The following RBPJ variants were observed in gnomAD, a reference collection of about 807,000 sequenced individuals.
RBPJ encodes the protein recombining binding protein suppressor of hairless.
Under a neutral mutation model 67.8 loss-of-function variants are expected in RBPJ, and 9 were observed. The ratio of observed to expected loss-of-function variants is 0.13; its 90% confidence interval spans 0.08 to 0.23. RBPJ has a LOEUF of 0.23. RBPJ is among the 10% of genes least tolerant of loss of function. The pLI is 1.00. For missense variants in RBPJ, 305 were observed against 595.6 expected (o/e 0.51, Z 5.08); for synonymous variants, 198 against 203.3 (o/e 0.97, Z 0.22).
chr4:26,273,509 G>A (rs951520755), intron 1 of RBPJ, among the ~76,000 whole-genome samples: 25 of 152,332 alleles, frequency 1.6e-4, no homozygotes, highest in Middle Eastern at 3.4e-3. Context: ...TCCAGCTCTA[G>A]CTGCCTGGAA....
the RBPJ span, among the ~76,000 whole-genome samples, chr4:26,148,951 A>G: frequency 8.3e-4 from 127 of 152,354 alleles, 1 homozygote; most frequent in African/African-American, 3.0e-3. Context: ...GAAGAAAGAA[A>G]AAGAGAGTGG....
intron 1 of RBPJ, among the ~76,000 whole-genome samples, chr4:26,286,997 G>T (rs1422133667): frequency 6.6e-6 from 1 of 152,048 alleles, no homozygotes; most frequent in Non-Finnish European, 1.5e-5. Context: ...ATGTTGTCCA[G>T]GCTGGTCTCG....
At chr4:26,125,136 C>T in the RBPJ span, among the ~76,000 whole-genome samples, 9 of 152,226 alleles carry the variant, frequency 5.9e-5, no homozygotes, top group Non-Finnish European at 1.3e-4. Flanking sequence ...TTGCAGTCAT[C>T]CCTCTTGCTC....
At chr4:26,117,739 TA>T in the RBPJ span, among the ~76,000 whole-genome samples, 1 of 152,192 alleles carries the variant, frequency 6.6e-6, no homozygotes, top group Non-Finnish European at 1.5e-5. Context: ...GGAGAGATAC[TA>T]ATGCTTGGTA....
chr4:26,254,924 T>G (rs1720246631), intron 1 of RBPJ, among the ~76,000 whole-genome samples: 2 of 130,216 alleles, frequency 1.5e-5, no homozygotes. Flanking sequence ...AAGCTGGTCT[T>G]GAACTCATCT....
chr4:26,141,337 C>G, the RBPJ span, among the ~76,000 whole-genome samples: 1 of 152,194 alleles, frequency 6.6e-6, no homozygotes, highest in Non-Finnish European at 1.5e-5. Flanking sequence ...AGGCCAGGGA[C>G]GAGCCCAGCA....
intron 1 of RBPJ, among the ~76,000 whole-genome samples, chr4:26,379,235 AG>A (rs1303146070): frequency 6.6e-6 from 1 of 151,626 alleles, no homozygotes; most frequent in Non-Finnish European, 1.5e-5. Context: ...GCTGGAGTAC[AG>A]TGGTGGGATC....
At chr4:26,134,584 C>T in the RBPJ span, among the ~76,000 whole-genome samples, 2 of 152,186 alleles carry the variant, frequency 1.3e-5, no homozygotes, top group African/African-American at 4.8e-5. Flanking sequence ...ATGGGTGCTC[C>T]CTGCAAATGC....
the RBPJ span, among the ~76,000 whole-genome samples, chr4:26,143,981 A>T: frequency 1.3e-5 from 2 of 152,246 alleles, no homozygotes; most frequent in Non-Finnish European, 2.9e-5. Context: ...TGCTAAAAAC[A>T]GTCAAAAGAC....
chr4:26,356,825 C>G (rs1420013936), intron 1 of RBPJ, among the ~76,000 whole-genome samples: 1 of 152,188 alleles, frequency 6.6e-6, no homozygotes. Context: ...AGTGAAATTG[C>G]TAGTTGCAAA....
At chr4:26,330,079 A>C (rs967707141) in intron 1 of RBPJ, among the ~76,000 whole-genome samples, 1 of 152,222 alleles carries the variant, frequency 6.6e-6, no homozygotes, top group Non-Finnish European at 1.5e-5. Flanking sequence ...ATAATCAGAA[A>C]AGGGAAAGTT....
At chr4:26,205,049 G>T (rs965988552) in intron 1 of RBPJ, among the ~76,000 whole-genome samples, 18 of 152,324 alleles carry the variant, frequency 1.2e-4, no homozygotes, top group African/African-American at 4.1e-4. Context: ...CTGCCTCTGG[G>T]AGCAGAGTTA....
chr4:26,255,597 T>C (rs1428098715), intron 1 of RBPJ, among the ~76,000 whole-genome samples: 2 of 147,776 alleles, frequency 1.4e-5, no homozygotes, highest in African/African-American at 5.0e-5. Flanking sequence ...GGTCGGGAGA[T>C]CGAGACCATC....
chr4:26,181,588 G>A (rs1033963844), intron 1 of RBPJ, among the ~76,000 whole-genome samples: 1 of 152,040 alleles, frequency 6.6e-6, no homozygotes, highest in South Asian at 2.1e-4. Context: ...TGTGAACATC[G>A]CAGAGTGTAC....
chr4:26,409,332 C>T (rs1733787487), intron 3 of RBPJ, among the ~76,000 whole-genome samples: 1 of 151,944 alleles, frequency 6.6e-6, no homozygotes, highest in Admixed American at 6.6e-5. Flanking sequence ...TTTGAGAGGT[C>T]AAGGTGGGCG....
intron 1 of RBPJ, among the ~76,000 whole-genome samples, chr4:26,312,932 A>G (rs774263510): frequency 1.4e-4 from 22 of 152,152 alleles, no homozygotes; most frequent in Admixed American, 3.9e-4. Flanking sequence ...CTCTGTGTGT[A>G]TGACAGATGA....
At chr4:26,257,870 A>T (rs1304918507) in intron 1 of RBPJ, among the ~76,000 whole-genome samples, 1 of 152,228 alleles carries the variant, frequency 6.6e-6, no homozygotes, top group African/African-American at 2.4e-5. Flanking sequence ...TAACCCAAAT[A>T]ACCTGGGCAA....
intron 1 of RBPJ, among the ~76,000 whole-genome samples, chr4:26,377,785 G>T (rs1455814735): frequency 6.6e-6 from 1 of 152,170 alleles, no homozygotes; most frequent in Non-Finnish European, 1.5e-5. Flanking sequence ...GTATTCTAGA[G>T]TTGGTGCTTG....
the RBPJ span, among the ~76,000 whole-genome samples, chr4:26,146,700 A>G: frequency 1.3e-4 from 20 of 152,346 alleles, no homozygotes; most frequent in Admixed American, 1.2e-3. Context: ...ACATTAACAC[A>G]TAAGAAAAAT....
Sources: allele counts gnomAD v4.1 joint callset (sites outside exome capture counted in the v4.1 genomes callset), GRCh38; gene constraint gnomAD v4.1.1; transcripts MANE v1.5; gene names NCBI Gene and HGNC (gene_info 2026-07-23, HGNC 2026-07-21).